Variants in FIGLA observed in about 807,000 individuals in gnomAD.
The protein encoded by FIGLA is factor in the germline alpha.
Under a neutral mutation model 21.5 loss-of-function variants are expected in FIGLA, and 17 were observed. The ratio of observed to expected loss-of-function variants is 0.79; its 90% CI spans 0.54 to 1.19. FIGLA has a LOEUF of 1.19. FIGLA is among the 50% of genes most tolerant of loss of function. The probability of loss-of-function intolerance (pLI) is 0.00; values close to 1 mark genes in which losing one functional copy is unlikely to be tolerated. For synonymous variants in FIGLA, 129 were observed against 117.6 expected, an observed-to-expected ratio of 1.10 and a Z score of -0.63; for missense variants, 282 against 285.0, an observed-to-expected ratio of 0.99 and a Z score of 0.08.
chr2:70,790,628 G>A lies in FIGLA; in HGVS notation c.11C>T (p.Ala4Val), dbSNP rs71647803. 181 of 1,414,884 alleles carry A rather than the reference G, an allele frequency of 1.3e-4. No individual in the cohort carries two copies. The highest frequency in any genetic ancestry group is 1.6e-4 in the Non-Finnish European group (179 of 1,090,998). The allele number at this position is 1,414,884 out of a possible 1,614,324, so 87.6% of individuals were successfully genotyped here. ...GGCGCGGGGATCTAGGACGCCGGGC[G>A]CGGGGTCCATGGCAGGGCCGAGGCC... MDP[A>V]PGVLDPRAAP... The change falls in exon 1 of 5, where the codon GCG becomes GTG. Residue 4 changes from alanine to valine, a missense_variant. Transcript: ENST00000332372.
chr2:70,777,944 T>G (rs986803261), intron 3 of FIGLA, among the ~76,000 whole-genome samples: 58 of 152,346 alleles, frequency 3.8e-4, no homozygotes, highest in African/African-American at 1.3e-3. Flanking sequence ...AAGATCATTT[T>G]GTCTCTGCTC....
chr2:70,787,879 G>T, intron 1 of FIGLA, 78 bp from the exon 2 acceptor site: 1 of 1,450,046 alleles, frequency 6.9e-7, no homozygotes, highest in South Asian at 1.3e-5. Flanking sequence ...GAAGGGGGTT[G>T]TTTCCACTGC....
chr2:70,777,473 T>C, intron 4 of FIGLA, 91 bp from the exon 5 acceptor site: 1 of 1,338,300 alleles, frequency 7.5e-7, no homozygotes, highest in Non-Finnish European at 1.0e-6. Flanking sequence ...TTAATTTTAT[T>C]AGTAATCAAA....
At chr2:70,781,601 A>G (rs781994627) in intron 3 of FIGLA, among the ~76,000 whole-genome samples, 1 of 152,238 alleles carries the variant, frequency 6.6e-6, no homozygotes, top group Non-Finnish European at 1.5e-5. Flanking sequence ...ACCACAGATG[A>G]CTACTCAGCA....
rs782387486 is a variant in FIGLA at position 70,790,593 on chromosome 2, C to T, written c.46G>A (p.Ala16Thr). 2 of 1,478,690 alleles carry T rather than the reference C, an allele frequency of 1.4e-6. No homozygotes were observed. Among genetic ancestry groups the T allele is most frequent in the Admixed American group, 2.3e-5 (1 of 44,396 alleles). 91.6% of individuals were successfully genotyped at this position (1,478,690 alleles called of 1,614,324 possible). A position where few individuals can be genotyped will look rare whatever the true frequency, so the allele number is the denominator to read the frequency against. The change falls in exon 1 of 5, where the codon GCG becomes ACG. Residue 16 changes from alanine to threonine, a missense_variant. Transcript: ENST00000332372. ...TCGGCTTGCGGGGTGCCCAGGAGCG[C>T]GGGCGGCGCGGCGCGGGGATCTAGG... ...GVLDPRAAPP[A>T]LLGTPQAEVL... is the part of the protein sequence containing the mutation.
rs560056075 is a variant in FIGLA at position 70,782,951 on chromosome 2, G to A, written c.609+2464C>T. On this transcript the variant is annotated intron_variant, in intron 3 of 4. Transcript: ENST00000332372. ...GTGTGGTGGTGTGAGCCAGCTACTC[G>A]GGAGGCTGAGGCAGGAGAGTTACTT... Among the ~76,000 whole-genome samples the A allele has an allele frequency of 5.9e-5, 9 of 151,746 alleles. No individual in the cohort carries two copies. In the South Asian group the frequency reaches 1.5e-3, roughly 25 times the overall value.
rs782724407 is a variant in FIGLA, at chr2:70,777,633, C to T, written c.644+4G>A. The T allele has an allele frequency of 3.1e-5, 49 of 1,600,048 alleles. No homozygotes were observed. The highest frequency in any genetic ancestry group is 1.0e-4 in the Admixed American group (6 of 58,944). ...ACTATGCATCAGGTTATAGAATGAC[C>T]TACCTGTGACTCAGCAGTTCTACTT... On this transcript the variant is annotated splice_donor_region_variant and intron_variant, in intron 4 of 4. Transcript: ENST00000332372.
intron 3 of FIGLA, among the ~76,000 whole-genome samples, chr2:70,782,852 A>G (rs1403539177): frequency 6.6e-6 from 1 of 152,074 alleles, no homozygotes; most frequent in Admixed American, 6.5e-5. Flanking sequence ...GCAGATCACG[A>G]AGTCAGGAAT....
In FIGLA at chr2:70,790,572, C is replaced by G; in HGVS notation, c.67G>C (p.Ala23Pro). 1 of 1,518,880 alleles carries G rather than the reference C, an allele frequency of 6.6e-7. No homozygotes were observed. Among genetic ancestry groups the G allele is most frequent in the South Asian group, 1.2e-5 (1 of 81,942 alleles). 94.1% of individuals were successfully genotyped at this position (1,518,880 alleles called of 1,614,324 possible). ...CGCAACACGTCCTCCAGCACCTCGG[C>G]TTGCGGGGTGCCCAGGAGCGCGGGC... is the stretch of plus-strand genomic sequence containing the variant. ...APPALLGTPQ[A>P]EVLEDVLREQ... Residue 23 changes from alanine to proline, a missense_variant, in exon 1 of 5, where the codon GCC becomes CCC. By Grantham distance (27) the Ala-to-Pro change is conservative. Transcript: ENST00000332372.
At chr2:70,779,036 A>G (rs1675810284) in intron 3 of FIGLA, among the ~76,000 whole-genome samples, 1 of 152,194 alleles carries the variant, frequency 6.6e-6, no homozygotes, top group Admixed American at 6.5e-5. Context: ...CCACAAGCAT[A>G]GGCACCATCA....
Position 70,777,362 on chromosome 2 carries a change from A to C in FIGLA, c.*5T>G, listed in dbSNP as rs56135050. 1.3e-6 allele frequency: 2 copies of C among 1,481,498 alleles called. No homozygotes were observed. The highest frequency in any genetic ancestry group is 4.9e-5 in the Admixed American group (2 of 41,154). The allele number at this position is 1,481,498 out of a possible 1,614,324, so 91.8% of individuals were successfully genotyped here. A position where few individuals can be genotyped will look rare whatever the true frequency, so the allele number is the denominator to read the frequency against. ...CTAGAAGGTAACCCTGGGCCTTTTC[A>C]TTTTTCATACTTGTGGAAGTCTGAA... On this transcript the variant is annotated 3_prime_UTR_variant, in exon 5 of 5. Coordinates refer to ENST00000332372, the MANE Select transcript of FIGLA (RefSeq NM_001004311.3).
rs1285889154 is a variant in FIGLA at position 70,790,397 on chromosome 2, G to A, written c.231+11C>T. ...AGGGGGGAACGGACGTCGACCCTAG[G>A]GATCCCTCACCCGCTCACGCTCCTT... On this transcript the variant is annotated intron_variant, in intron 1 of 4. Transcript: ENST00000332372. The A allele has an allele frequency of 2.0e-6, 3 of 1,523,392 alleles. No homozygotes were observed. Among genetic ancestry groups the A allele is most frequent in the Admixed American group, 2.0e-5 (1 of 49,108 alleles). 94.4% of individuals were successfully genotyped at this position (1,523,392 alleles called of 1,614,324 possible). A position where few individuals can be genotyped will look rare whatever the true frequency, so the allele number is the denominator to read the frequency against.
rs10540498 is a variant in FIGLA, at chr2:70,789,156, T to TTATA, written c.231+1248_231+1251dup. On this transcript the variant is annotated intron_variant, in intron 1 of 4. Coordinates refer to ENST00000332372, the MANE Select transcript of FIGLA (RefSeq NM_001004311.3). Reference sequence around the variant, plus strand: ...ATATGTACTGAATATTTTGTAAAAATTATATATATATATATATGAATACAC... The same window carrying TTATA: ...ATATGTACTGAATATTTTGTAAAAATTATATATATATATATATATATGAATACAC... Among the ~76,000 whole-genome samples, 385 of 150,198 alleles carry TTATA rather than the reference T, an allele frequency of 2.6e-3. 1 individual carries two copies. The highest frequency in any genetic ancestry group is 7.4e-3 in the South Asian group (35 of 4,746).
chr2:70,785,230 C>T (rs145924873), intron 3 of FIGLA, among the ~76,000 whole-genome samples, 185 bp downstream of exon 3: 9 of 152,222 alleles, frequency 5.9e-5, no homozygotes, highest in South Asian at 2.1e-4. Context: ...TCCCTGGAGC[C>T]GCTTACCAGT....
At position 70,790,488 on chromosome 2, in the gene FIGLA, AG is replaced by A; in HGVS notation, c.150del (p.Ser51ArgfsTer28). 6.5e-7 allele frequency: 1 copy of A among 1,543,786 alleles called. No homozygotes were observed. ...TTTTCAGTGGACGAGTAGCCGCCCGAGGGCAGCCGCTTGAGCCGGCAGACAG... is the reference window on the plus strand; with the variant it reads ...TTTTCAGTGGACGAGTAGCCGCCCGAGGCAGCCGCTTGAGCCGGCAGACAG... Reference protein sequence around the residue: ...LAAVCRLKRLPSGGYSSTENL... With the variant: ...LAAVCRLKRLXSGGYSSTENL... On this transcript the variant is annotated frameshift_variant, in exon 1 of 5. Coordinates refer to ENST00000332372, the MANE Select transcript of FIGLA (RefSeq NM_001004311.3). LOFTEE classifies it high-confidence loss of function.
At position 70,788,572 on chromosome 2, in the gene FIGLA, A is replaced by G. The variant is rs141565169; in HGVS notation, c.232-771T>C. Among the ~76,000 whole-genome samples the G allele has an allele frequency of 4.4e-3, 668 of 152,334 alleles. 6 individuals are homozygous for G. Among genetic ancestry groups the G allele is most frequent in the Non-Finnish European group, 6.7e-3 (455 of 68,026 alleles). On this transcript the variant is annotated intron_variant, in intron 1 of 4. Transcript: ENST00000332372. Reference sequence around the variant, plus strand: ...GGAGAACTGGCTCCCACTATGCCACAAAGCCAATATATATTGAGTATATCC... The same window carrying G: ...GGAGAACTGGCTCCCACTATGCCACGAAGCCAATATATATTGAGTATATCC...
intron 2 of FIGLA, among the ~76,000 whole-genome samples, chr2:70,786,309 C>CT (rs1335017598): frequency 1.5e-5 from 2 of 131,800 alleles, no homozygotes; most frequent in African/African-American, 2.8e-5. Context: ...TCTAGGTTTT[C>CT]TTTTTTTTGG....
intron 1 of FIGLA, among the ~76,000 whole-genome samples, 193 bp downstream of exon 1, chr2:70,790,215 G>A (rs887162154): frequency 2.0e-5 from 3 of 151,340 alleles, no homozygotes; most frequent in East Asian, 2.0e-4. Context: ...GGCCGCCAAC[G>A]AGCAGCTGCA....
At chr2:70,789,279 CA>C (rs1388139215) in intron 1 of FIGLA, among the ~76,000 whole-genome samples, 9 of 152,038 alleles carry the variant, frequency 5.9e-5, no homozygotes, top group African/African-American at 1.9e-4. Flanking sequence ...CTGTCTTTTC[CA>C]AGTGTGTTAA....
Sources: gnomAD v4.1 joint callset for allele counts (sites outside exome capture counted in the v4.1 genomes callset) on GRCh38, gnomAD v4.1.1 for gene constraint, MANE v1.5 for transcripts, NCBI Gene and HGNC (gene_info 2026-07-23, HGNC 2026-07-21) for gene names.